INPP4A: variants seen among roughly 807,000 people sequenced by gnomAD.
INPP4A encodes inositol polyphosphate-4-phosphatase type I A, also known as inositol polyphosphate-4-phosphatase, type I, 107kD.
INPP4A carries 33 observed loss-of-function variants against 119.8 expected under a neutral mutation model. The observed-to-expected ratio is 0.28, with a 90% CI of 0.21 to 0.37. The LOEUF is 0.37. Ranked by LOEUF, INPP4A falls within the 10% of genes least tolerant of loss-of-function variation. INPP4A has a pLI of 1.00. For missense variants in INPP4A, 956 were observed against 1,289.9 expected (o/e 0.74, Z 3.97); for synonymous variants, 496 against 500.7 (o/e 0.99, Z 0.12).
chr2:98,498,720 TAA>T (rs1682539256), intron 1 of INPP4A, among the ~76,000 whole-genome samples: 1 of 152,188 alleles, frequency 6.6e-6, no homozygotes, highest in Non-Finnish European at 1.5e-5. Flanking sequence ...ATGGCGTCTG[TAA>T]AGAGATAATT....
chr2:98,486,498 C>G (rs1388414753), intron 1 of INPP4A, among the ~76,000 whole-genome samples: 5 of 152,208 alleles, frequency 3.3e-5, no homozygotes, highest in African/African-American at 4.8e-5. Flanking sequence ...AGCGATGCAT[C>G]TGAAATGGCC....
At chr2:98,457,828 G>A (rs900271644) in intron 1 of INPP4A, among the ~76,000 whole-genome samples, 2 of 152,074 alleles carry the variant, frequency 1.3e-5, no homozygotes, top group Non-Finnish European at 2.9e-5. Context: ...TAGAGACGGG[G>A]TCTCGCTCTG....
chr2:98,444,613 G>A (rs1693844033), upstream of INPP4A, among the ~76,000 whole-genome samples: 1 of 152,210 alleles, frequency 6.6e-6, no homozygotes, highest in Admixed American at 6.5e-5. Flanking sequence ...GGGTGAAGAT[G>A]CCATCGCTCA....
intron 1 of INPP4A, among the ~76,000 whole-genome samples, chr2:98,460,946 A>G (rs1009549299): frequency 2.0e-5 from 3 of 152,152 alleles, no homozygotes; most frequent in African/African-American, 7.2e-5. Flanking sequence ...AAACCCAGAA[A>G]TGCTGGTTTC....
chr2:98,487,090 G>A (rs1336389694), intron 1 of INPP4A, among the ~76,000 whole-genome samples: 1 of 152,258 alleles, frequency 6.6e-6, no homozygotes, highest in African/African-American at 2.4e-5. Context: ...GTTGCAAAGA[G>A]TGCCTGAAGT....
At chr2:98,535,655 G>A (rs1690114733) in intron 5 of INPP4A, 74 bp from the exon 6 acceptor site, 1 of 681,954 alleles carries the variant, frequency 1.5e-6, no homozygotes, top group Non-Finnish European at 2.6e-6. Context: ...TTCTGAAAAT[G>A]TTGGTGTATT....
intron 1 of INPP4A, among the ~76,000 whole-genome samples, chr2:98,445,396 T>C (rs934661459): frequency 5.9e-5 from 9 of 152,198 alleles, no homozygotes; most frequent in African/African-American, 2.2e-4. Flanking sequence ...GCTCCAGGGC[T>C]GGGTCTACGG....
chr2:98,493,617 A>C (rs920595203), intron 1 of INPP4A, among the ~76,000 whole-genome samples: 1 of 151,872 alleles, frequency 6.6e-6, no homozygotes, highest in East Asian at 1.9e-4. Flanking sequence ...GGCTGGTCTT[A>C]AACTTATGAG....
At chr2:98,576,855 C>A in intron 23 of INPP4A, 134 bp from the exon 24 acceptor site, 1 of 1,048,114 alleles carries the variant, frequency 9.5e-7, no homozygotes, top group African/African-American at 1.6e-5. Context: ...AAAATTGGAG[C>A]GTCTGGCCAG....
chr2:98,586,650 A>G (rs1410775275), intron 24 of INPP4A, among the ~76,000 whole-genome samples: 2 of 152,162 alleles, frequency 1.3e-5, no homozygotes, highest in Non-Finnish European at 1.5e-5. Flanking sequence ...CCTCCCATGC[A>G]GTGTTTGCTT....
intron 17 of INPP4A, among the ~76,000 whole-genome samples, chr2:98,562,856 T>TG (rs1695739009): frequency 4.1e-5 from 1 of 24,508 alleles, no homozygotes; most frequent in Admixed American, 4.5e-4. Flanking sequence ...GGAAGGAAGG[T>TG]GGGGGTGGGG....
intron 24 of INPP4A, among the ~76,000 whole-genome samples, chr2:98,582,010 T>C (rs1316541455): frequency 6.6e-6 from 1 of 152,252 alleles, no homozygotes; most frequent in Non-Finnish European, 1.5e-5. Context: ...GCCCTGTCAC[T>C]GCATCGTTTA....
chr2:98,556,474 T>G (rs1474780014), intron 16 of INPP4A, among the ~76,000 whole-genome samples: 1 of 152,214 alleles, frequency 6.6e-6, no homozygotes, highest in Non-Finnish European at 1.5e-5. Flanking sequence ...ACCAGGACAC[T>G]GTCCTGCAGA....
intron 22 of INPP4A, among the ~76,000 whole-genome samples, chr2:98,571,395 C>T (rs1697411801): frequency 6.6e-6 from 1 of 152,178 alleles, no homozygotes; most frequent in Non-Finnish European, 1.5e-5. Flanking sequence ...CGAAGGTGAG[C>T]AGGGAGGGAG....
In INPP4A at chr2:98,486,592, C is replaced by T. The variant is rs954047069; in HGVS notation, c.-165-32372C>T. Among the ~76,000 whole-genome samples, 19 of 152,276 alleles carry T rather than the reference C, an allele frequency of 1.2e-4. 3 individuals are homozygous for T. The highest frequency in any genetic ancestry group is 1.1e-3 in the Admixed American group (17 of 15,292). ...AGGGCCTGAGGTCTGGGGTGAGGAA[C>T]ACCTGGTCCAGATCAAAGAGCTTTT... On this transcript the variant is annotated intron_variant, in intron 1 of 24. Coordinates refer to ENST00000409851, the MANE Select transcript of INPP4A (RefSeq NM_001134225.2).
chr2:98,551,684 C>T (rs1693551119), intron 13 of INPP4A, among the ~76,000 whole-genome samples: 2 of 152,186 alleles, frequency 1.3e-5, no homozygotes, highest in South Asian at 4.1e-4. Context: ...CTCCTCCTCT[C>T]TCTCTCTTCC....
chr2:98,504,898 G>A (rs1320378615), intron 1 of INPP4A, among the ~76,000 whole-genome samples: 2 of 152,170 alleles, frequency 1.3e-5, no homozygotes, highest in East Asian at 1.9e-4. Flanking sequence ...TCAGGCCCAC[G>A]TGCCATCCTG....
chr2:98,544,207 G>A (rs1345245272), intron 11 of INPP4A, among the ~76,000 whole-genome samples, 200 bp downstream of exon 11: 1 of 152,144 alleles, frequency 6.6e-6, no homozygotes, highest in African/African-American at 2.4e-5. Flanking sequence ...TCAAATATGG[G>A]TTTTTCTGAT....
chr2:98,495,132 T>C (rs145510528), intron 1 of INPP4A, among the ~76,000 whole-genome samples: 158 of 152,198 alleles, frequency 1.0e-3, no homozygotes, highest in African/African-American at 3.6e-3. Flanking sequence ...GTTGCTACAG[T>C]GTCTTAGCTA....
Sources: allele counts gnomAD v4.1 joint callset (sites outside exome capture counted in the v4.1 genomes callset), GRCh38; gene constraint gnomAD v4.1.1; transcripts MANE v1.5; gene names NCBI Gene and HGNC (gene_info 2026-07-23, HGNC 2026-07-21).